The following ETV1 variants were observed in gnomAD, a reference collection of about 807,000 sequenced individuals.
ETV1 encodes ETS variant transcription factor 1, also known as ETS translocation variant 1.
ETV1 carries 27 observed loss-of-function variants against 62.3 expected under a neutral mutation model. That is an observed-to-expected ratio of 0.43 (90% confidence interval 0.32 to 0.60). ETV1 has a LOEUF of 0.60. ETV1 is among the 20% of genes least tolerant of loss of function. ETV1 has a pLI of 0.06. For missense variants in ETV1, 605 were observed against 605.8 expected (o/e 1.00, Z 0.01); for synonymous variants, 222 against 199.6 (o/e 1.11, Z -0.94).
chr7:13,973,589 G>A (rs761991618), intron 6 of ETV1, among the ~76,000 whole-genome samples: 2 of 151,838 alleles, frequency 1.3e-5, no homozygotes, highest in Non-Finnish European at 2.9e-5. Flanking sequence ...TGGTTATTAT[G>A]ATCTAAACAA....
chr7:13,909,443 A>C (rs530189412), intron 11 of ETV1, among the ~76,000 whole-genome samples, 189 bp downstream of exon 11: 12 of 152,168 alleles, frequency 7.9e-5, no homozygotes, highest in Non-Finnish European at 1.5e-4. Flanking sequence ...CCTAACACAA[A>C]AGAAAAGGTT....
At chr7:13,944,420 C>G (rs148757722) in intron 6 of ETV1, among the ~76,000 whole-genome samples, 1,551 of 152,244 alleles carry the variant, frequency 0.01, 30 homozygotes, top group African/African-American at 0.035. Context: ...GAGCTCCCTG[C>G]GATCTCTTTA....
chr7:13,956,236 C>A, intron 6 of ETV1, among the ~76,000 whole-genome samples: 1 of 152,078 alleles, frequency 6.6e-6, no homozygotes, highest in East Asian at 1.9e-4. Flanking sequence ...TTATAATAAT[C>A]CAGAAGGCCT....
chr7:13,968,063 C>T (rs1780486319), intron 6 of ETV1, among the ~76,000 whole-genome samples: 1 of 151,932 alleles, frequency 6.6e-6, no homozygotes, highest in African/African-American at 2.4e-5. Flanking sequence ...TCTATCAAGT[C>T]CATTCATTGT....
At chr7:13,945,311 T>G (rs1788022903) in intron 6 of ETV1, among the ~76,000 whole-genome samples, 1 of 152,156 alleles carries the variant, frequency 6.6e-6, no homozygotes, top group African/African-American at 2.4e-5. Flanking sequence ...CAGCAACATC[T>G]TCCTTTTCCT....
At chr7:13,949,316 G>A (rs1460325354) in intron 6 of ETV1, among the ~76,000 whole-genome samples, 6 of 152,170 alleles carry the variant, frequency 3.9e-5, no homozygotes, top group East Asian at 1.9e-4. Context: ...TAGATGAAAA[G>A]CATTCACTTT....
At chr7:13,957,646 C>T (rs1279274913) in intron 6 of ETV1, among the ~76,000 whole-genome samples, 1 of 152,130 alleles carries the variant, frequency 6.6e-6, no homozygotes, top group South Asian at 2.1e-4. Flanking sequence ...TTCTTTAGAA[C>T]AATGAGCTCT....
At chr7:13,960,406 A>T (rs1002656147) in intron 6 of ETV1, among the ~76,000 whole-genome samples, 1 of 152,184 alleles carries the variant, frequency 6.6e-6, no homozygotes, top group African/African-American at 2.4e-5. Flanking sequence ...GAGTTATTCA[A>T]TACTCATCTA....
intron 6 of ETV1, among the ~76,000 whole-genome samples, chr7:13,941,468 T>A (rs1294764494): frequency 1.3e-5 from 2 of 152,202 alleles, no homozygotes; most frequent in Non-Finnish European, 2.9e-5. Context: ...AAAAGCCAAT[T>A]GAAGGGCAGG....
In ETV1 at chr7:13,891,855, C is replaced by T. The variant is rs1313312413; in HGVS notation, c.*4011G>A. ...CAAATCGCAAATGGAAAATAGCTTA[C>T]TCACTTCTTATTTTTAAATTTTAGT... On this transcript the variant is annotated 3_prime_UTR_variant, in exon 14 of 14. Coordinates refer to ENST00000430479, the MANE Select transcript of ETV1 (RefSeq NM_004956.5). The T allele has an allele frequency of 8.7e-6, 2 of 231,178 alleles. No individual in the cohort carries two copies. Among genetic ancestry groups the T allele is most frequent in the African/African-American group, 4.4e-5 (2 of 45,222 alleles). 14.3% of individuals were successfully genotyped at this position (231,178 alleles called of 1,614,324 possible). A position where few individuals can be genotyped will look rare whatever the true frequency, so the allele number is the denominator to read the frequency against.
In ETV1 at chr7:13,971,128, C is replaced by T. The variant is rs570843033; in HGVS notation, c.235+6299G>A. ...CTGGGATTACAGGCATGCGACACCA[C>T]ACCCAGATAATTTTGTAGTTTTAGT... On this transcript the variant is annotated intron_variant, in intron 6 of 13. Transcript: ENST00000430479. 2.6e-5 allele frequency among the ~76,000 whole-genome samples: 4 copies of T among 152,164 alleles called. No individual in the cohort carries two copies. The East Asian group carries it at 5.8e-4, about 22-fold the overall frequency.
At chr7:13,914,565 G>A (rs772404741) in intron 9 of ETV1, among the ~76,000 whole-genome samples, 40 of 148,718 alleles carry the variant, frequency 2.7e-4, no homozygotes, top group Non-Finnish European at 3.8e-4. Flanking sequence ...TAGTTTTCAC[G>A]TTTAGTAACA....
At chr7:13,990,094 T>G (rs969294962), upstream of ETV1, 1 of 153,198 alleles carries the variant, frequency 6.5e-6, no homozygotes, top group African/African-American at 2.4e-5. Context: ...TCAGCTGCCC[T>G]CCCCTCAGGA....
intron 6 of ETV1, among the ~76,000 whole-genome samples, chr7:13,948,860 T>G (rs1355087344): frequency 2.0e-5 from 3 of 152,172 alleles, no homozygotes; most frequent in Non-Finnish European, 4.4e-5. Flanking sequence ...ACACTTAATT[T>G]TAATCTCTTA....
upstream of ETV1, among the ~76,000 whole-genome samples, chr7:13,990,202 A>G (rs1466766228): frequency 6.6e-6 from 1 of 152,124 alleles, no homozygotes; most frequent in Non-Finnish European, 1.5e-5. Flanking sequence ...CCCGTTTTTC[A>G]AAACCCACCA....
chr7:13,969,220 C>A (rs886584178), intron 6 of ETV1, among the ~76,000 whole-genome samples: 1 of 152,102 alleles, frequency 6.6e-6, no homozygotes, highest in African/African-American at 2.4e-5. Context: ...AATCTACAAT[C>A]AGCAATGACT....
At chr7:13,934,836 C>T (rs12699566) in intron 8 of ETV1, among the ~76,000 whole-genome samples, 37,507 of 151,896 alleles carry the variant, frequency 0.25, 5,190 homozygotes, top group East Asian at 0.45. Context: ...GCAATATGTA[C>T]ATCACAGACC....
At chr7:13,978,075 T>C (rs1417254633) in intron 5 of ETV1, among the ~76,000 whole-genome samples, 4 of 152,144 alleles carry the variant, frequency 2.6e-5, no homozygotes, top group African/African-American at 7.2e-5. Context: ...AGTATTATAT[T>C]TCAAAGATTA....
chr7:13,917,796 C>A (rs1250040468), intron 9 of ETV1, among the ~76,000 whole-genome samples: 1 of 151,862 alleles, frequency 6.6e-6, no homozygotes, highest in East Asian at 2.0e-4. Context: ...AACCCCGTCT[C>A]TACTGAAAAC....
Sources: gnomAD v4.1 joint callset for allele counts (sites outside exome capture counted in the v4.1 genomes callset) on GRCh38, gnomAD v4.1.1 for gene constraint, MANE v1.5 for transcripts, NCBI Gene and HGNC (gene_info 2026-07-23, HGNC 2026-07-21) for gene names.